The following USH2A variants were observed in gnomAD, a reference collection of about 807,000 sequenced individuals.
The protein encoded by USH2A is usherin.
In USH2A, 443 loss-of-function variants were observed where a neutral mutation model predicts 538.9. The observed-to-expected ratio is 0.82, with a 90% CI of 0.76 to 0.89. USH2A has a LOEUF of 0.89. USH2A is among the 40% of genes least tolerant of loss of function. USH2A has a pLI of 0.00. For missense variants in USH2A, 6,633 were observed against 6,324.8 expected (o/e 1.05, Z -1.65); for synonymous variants, 2,413 against 2,273.5 (o/e 1.06, Z -1.75).
At chr1:216,027,500 A>G (rs1225381471) in intron 32 of USH2A, among the ~76,000 whole-genome samples, 1 of 152,144 alleles carries the variant, frequency 6.6e-6, no homozygotes, top group Non-Finnish European at 1.5e-5. Flanking sequence ...TTAGAAATAT[A>G]CGTTATTATT....
At chr1:215,707,128 A>G (rs766612654) in intron 61 of USH2A, among the ~76,000 whole-genome samples, 5 of 152,180 alleles carry the variant, frequency 3.3e-5, no homozygotes, top group Non-Finnish European at 7.3e-5. Context: ...CAAAGGATAG[A>G]AAGTGTGCTG....
chr1:216,369,918 G>GT (rs2038670402), intron 3 of USH2A, among the ~76,000 whole-genome samples: 1 of 33,966 alleles, frequency 2.9e-5, no homozygotes, highest in African/African-American at 9.1e-5. Flanking sequence ...GTGAGACTCT[G>GT]CCAAAAAAAA....
chr1:215,635,552 T>C (rs973631210), intron 69 of USH2A, among the ~76,000 whole-genome samples: 3 of 150,710 alleles, frequency 2.0e-5, no homozygotes, highest in East Asian at 3.9e-4. Context: ...TATTTATTTA[T>C]TTATTTATTT....
intron 14 of USH2A, among the ~76,000 whole-genome samples, chr1:216,230,418 A>G (rs960655861): frequency 1.3e-5 from 2 of 152,222 alleles, no homozygotes; most frequent in African/African-American, 4.8e-5. Context: ...GTCTCAGACC[A>G]TCAAGGTAAC....
chr1:216,158,632 T>C (rs2033996996), intron 21 of USH2A, among the ~76,000 whole-genome samples: 1 of 152,214 alleles, frequency 6.6e-6, no homozygotes, highest in South Asian at 2.1e-4. Flanking sequence ...ACTGCAGTCT[T>C]ATAGTTAGTC....
chr1:216,138,950 A>G (rs548684596), intron 21 of USH2A, among the ~76,000 whole-genome samples: 13 of 149,728 alleles, frequency 8.7e-5, no homozygotes, highest in East Asian at 3.9e-4. Context: ...GTGTATATAT[A>G]TGTGTGTGTA....
Position 215,640,723 on chromosome 1 carries a change from G to A in USH2A, c.14803C>T (p.Arg4935Ter), listed in dbSNP as rs146733615. The A allele has an allele frequency of 2.9e-5, 47 of 1,613,098 alleles. No individual in the cohort carries two copies. Among genetic ancestry groups the A allele is most frequent in the Non-Finnish European group, 3.7e-5 (44 of 1,179,886 alleles). Residue 4935 changes from arginine (R) to a stop codon, truncating the protein, a stop_gained, in exon 68 of 72, where the codon CGA becomes TGA. Coordinates refer to ENST00000307340, the MANE Select transcript of USH2A (RefSeq NM_206933.4). LOFTEE classifies it high-confidence loss of function. ...TTGCTGTCCACCGAAAATGGGGCTC[G>A]GTACTGAGGCACTGTGGGGAGAAAG... ...FTTQKELPQY[R>*]APFSVDSNLS...
chr1:215,991,361 A>G (rs1278834674), intron 35 of USH2A, among the ~76,000 whole-genome samples: 1 of 152,198 alleles, frequency 6.6e-6, no homozygotes, highest in African/African-American at 2.4e-5. Context: ...CTTCGAAGAC[A>G]GATGGAGAGA....
intron 22 of USH2A, among the ~76,000 whole-genome samples, chr1:216,094,461 T>C (rs1271677418): frequency 6.6e-6 from 1 of 152,186 alleles, no homozygotes; most frequent in East Asian, 1.9e-4. Context: ...AACAAATGAT[T>C]ATTCACGTTT....
chr1:215,763,849 A>G (rs1409642767), intron 56 of USH2A, among the ~76,000 whole-genome samples: 1 of 152,118 alleles, frequency 6.6e-6, no homozygotes, highest in African/African-American at 2.4e-5. Context: ...AGGGACGGGA[A>G]AGAAGAACAA....
At chr1:216,393,570 G>A (rs565536900) in intron 3 of USH2A, among the ~76,000 whole-genome samples, 15 of 151,308 alleles carry the variant, frequency 9.9e-5, no homozygotes, top group Non-Finnish European at 1.9e-4. Context: ...TTATTTTCTC[G>A]TATATAAAAT....
In USH2A at chr1:216,422,168, C is replaced by T; in HGVS notation, c.169G>A (p.Val57Ile). The T allele has an allele frequency of 6.2e-7, 1 of 1,613,732 alleles. No individual in the cohort carries two copies. Among genetic ancestry groups the T allele is most frequent in the South Asian group, 1.1e-5 (1 of 91,058 alleles). The stretch of plus-strand genomic sequence containing the variant: ...GTGCTTCGGTCTGGGAGTCCACATA[C>T]TGCTTGGGTTGGCACGATGGAAACT... Reference protein sequence around the residue: ...KKVSIVPTQAVCGLPDRSTFC... With the variant: ...KKVSIVPTQAICGLPDRSTFC... The change falls in exon 2 of 72, where the codon GTA (valine) becomes ATA (isoleucine). Residue 57 changes from valine (V) to isoleucine (I), a missense_variant. Transcript: ENST00000307340.
intron 60 of USH2A, among the ~76,000 whole-genome samples, chr1:215,729,868 T>C (rs916225532): frequency 2.0e-5 from 3 of 152,208 alleles, no homozygotes; most frequent in Non-Finnish European, 4.4e-5. Context: ...AGCAAGCCTC[T>C]GGCCTTGGCC....
At position 216,364,976 on chromosome 1, in the gene USH2A, A is replaced by G; in HGVS notation, c.761T>C (p.Val254Ala). The change falls in exon 4 of 72, where the codon GTG becomes GCG. Residue 254 changes from valine to alanine, a missense_variant. By Grantham distance (64) the Val-to-Ala change is moderately conservative. Coordinates refer to ENST00000307340, the MANE Select transcript of USH2A (RefSeq NM_206933.4). Reference sequence around the variant, plus strand: ...ACCATTTAAACTCTGTCCTATTTGCACAGTACCAGATGCAAAATCTGTAAT... The same window carrying G: ...ACCATTTAAACTCTGTCCTATTTGCGCAGTACCAGATGCAAAATCTGTAAT... ...GSITDFASGT[V>A]QIGQSLNGLE... 3 of 1,613,668 alleles carry G rather than the reference A, an allele frequency of 1.9e-6. No individual in the cohort carries two copies. The highest frequency in any genetic ancestry group is 2.5e-6 in the Non-Finnish European group (3 of 1,179,720).
intron 37 of USH2A, among the ~76,000 whole-genome samples, chr1:215,959,934 A>G (rs1272886512): frequency 1.3e-5 from 2 of 152,122 alleles, no homozygotes; most frequent in African/African-American, 4.8e-5. Flanking sequence ...GATAATGAAG[A>G]ATTAAACAAT....
chr1:216,181,780 C>T (rs370628798), intron 20 of USH2A, among the ~76,000 whole-genome samples: 4 of 152,204 alleles, frequency 2.6e-5, no homozygotes, highest in East Asian at 3.9e-4. Context: ...TTAAATGCAT[C>T]GTAACACTTG....
intron 64 of USH2A, among the ~76,000 whole-genome samples, chr1:215,654,237 G>C (rs1300095853): frequency 6.6e-6 from 1 of 151,998 alleles, no homozygotes; most frequent in African/African-American, 2.4e-5. Context: ...TTGTTACATA[G>C]GTATACATGT....
Position 215,693,114 on chromosome 1 carries a change from G to GTA in USH2A, c.12067-12739_12067-12738insTA, listed in dbSNP as rs1402851016. The stretch of plus-strand genomic sequence containing the variant: ...TATATGTGTGTGTGTGTGTGTGTAT[G>GTA]TGTATATATATATATATATACACAC... On this transcript the variant is annotated intron_variant, in intron 61 of 71. Coordinates refer to ENST00000307340, the MANE Select transcript of USH2A (RefSeq NM_206933.4). Among the ~76,000 whole-genome samples the GTA allele has an allele frequency of 2.5e-3, 180 of 71,878 alleles. 1 individual carries two copies. Among genetic ancestry groups the GTA allele is most frequent in the African/African-American group, 6.3e-3 (168 of 26,752 alleles). The allele number at this position is 71,878 out of a possible 152,430, so 47.2% of individuals were successfully genotyped here. A position where few individuals can be genotyped will look rare whatever the true frequency, so the allele number is the denominator to read the frequency against.
intron 31 of USH2A, among the ~76,000 whole-genome samples, chr1:216,048,047 G>A (rs2030596534): frequency 2.6e-5 from 4 of 152,154 alleles, no homozygotes; most frequent in African/African-American, 4.8e-5. Context: ...GATTAATAAT[G>A]CCTCAATTGG....
Sources: gnomAD v4.1 joint callset for allele counts (sites outside exome capture counted in the v4.1 genomes callset) on GRCh38, gnomAD v4.1.1 for gene constraint, MANE v1.5 for transcripts, NCBI Gene and HGNC (gene_info 2026-07-23, HGNC 2026-07-21) for gene names.